ZNF680: variants seen among roughly 807,000 people sequenced by gnomAD.
ZNF680 encodes hypothetical protein FLJ90430.
In ZNF680, 6 loss-of-function variants were observed where a neutral mutation model predicts 12.1. That is an observed-to-expected ratio of 0.49 (90% CI 0.27 to 0.98). ZNF680 has a LOEUF of 0.98. Ranked by LOEUF, ZNF680 falls within the 50% of genes least tolerant of loss-of-function variation. ZNF680 has a pLI of 0.12. For synonymous variants in ZNF680, 170 were observed against 199.3 expected (o/e 0.85, Z 1.24); for missense variants, 561 against 616.3 (o/e 0.91, Z 0.95).
intron 1 of ZNF680, among the ~76,000 whole-genome samples, chr7:64,559,666 G>T (rs1478076697): frequency 6.6e-6 from 1 of 152,008 alleles, no homozygotes; most frequent in Non-Finnish European, 1.5e-5. Context: ...ATTTCTGGTA[G>T]AGACGGGGTT....
chr7:64,562,158 G>A (rs2116581804), intron 1 of ZNF680, among the ~76,000 whole-genome samples: 1 of 151,052 alleles, frequency 6.6e-6, no homozygotes, highest in African/African-American at 2.4e-5. Flanking sequence ...CTTGAACCCG[G>A]GAGGCAGAGG....
At chr7:64,531,548 G>C (rs1188242219) in intron 3 of ZNF680, among the ~76,000 whole-genome samples, 1 of 138,700 alleles carries the variant, frequency 7.2e-6, no homozygotes, top group Admixed American at 7.8e-5. Flanking sequence ...AGTGAGCCAA[G>C]ATCGTGCCAC....
intron 3 of ZNF680, among the ~76,000 whole-genome samples, chr7:64,537,536 GA>G (rs976611183): frequency 6.6e-6 from 1 of 150,820 alleles, no homozygotes; most frequent in African/African-American, 2.4e-5. Flanking sequence ...AAACAACCAT[GA>G]AAAAAAAGCA....
In ZNF680 at chr7:64,522,282, T is replaced by C. The variant is rs2116363626; in HGVS notation, c.472A>G (p.Lys158Glu). The C allele has an allele frequency of 6.2e-7, 1 of 1,613,156 alleles. No individual in the cohort carries two copies. The highest frequency in any genetic ancestry group is 1.7e-5 in the Admixed American group (1 of 59,912). The change falls in exon 4 of 4, where the codon AAA becomes GAA. Residue 158 changes from lysine (K) to glutamate (E), a missense_variant. Lys to Glu is a moderately conservative substitution (Grantham distance 56). Transcript: ENST00000309683. ...TTQSKIFQCD[K>E]YVKVFHKFSN... ...AATTTATGAAAGACTTTCACGTATT[T>C]ATCACATTGAAATATTTTGCTCTGG...
intron 3 of ZNF680, among the ~76,000 whole-genome samples, chr7:64,524,135 A>G (rs945275904): frequency 6.8e-6 from 1 of 148,080 alleles, no homozygotes; most frequent in African/African-American, 2.6e-5. Context: ...AACTCCAAAG[A>G]GACAAAGAAG....
the ZNF680 span, among the ~76,000 whole-genome samples, chr7:64,507,008 G>A: frequency 6.6e-6 from 1 of 152,114 alleles, no homozygotes. Flanking sequence ...CTTTAACACA[G>A]AAATATTTTT....
At chr7:64,529,025 A>C (rs963737757) in intron 3 of ZNF680, among the ~76,000 whole-genome samples, 2 of 152,230 alleles carry the variant, frequency 1.3e-5, no homozygotes, top group African/African-American at 4.8e-5. Context: ...CCTTAGTTCC[A>C]GCCCAAAGTT....
chr7:64,512,011 A>G, the ZNF680 span, among the ~76,000 whole-genome samples: 1 of 151,858 alleles, frequency 6.6e-6, no homozygotes, highest in African/African-American at 2.4e-5. Flanking sequence ...GTGAGCCAAG[A>G]TCGTGCCATT....
chr7:64,543,664 C>T (rs146541484), intron 3 of ZNF680, 43 bp downstream of exon 3: 1 of 1,515,992 alleles, frequency 6.6e-7, no homozygotes, highest in Non-Finnish European at 9.1e-7. Flanking sequence ...ATCTGGACCT[C>T]TCATCTGTGT....
chr7:64,533,354 C>T (rs761388168), intron 3 of ZNF680, among the ~76,000 whole-genome samples: 113 of 152,108 alleles, frequency 7.4e-4, no homozygotes, highest in Admixed American at 2.4e-3. Flanking sequence ...AAACCAGTAG[C>T]TCTTCTATAC....
chr7:64,551,300 T>C (rs1787062273), intron 1 of ZNF680, among the ~76,000 whole-genome samples: 1 of 152,204 alleles, frequency 6.6e-6, no homozygotes, highest in Non-Finnish European at 1.5e-5. Context: ...ATTTTGGCTA[T>C]TTACATTTTG....
In ZNF680 at chr7:64,553,587, TA is replaced by T. The variant is rs200199423; in HGVS notation, c.31-9156del. 4.0e-5 allele frequency among the ~76,000 whole-genome samples: 6 copies of T among 151,028 alleles called. No homozygotes were observed. In the East Asian group the frequency reaches 5.8e-4, roughly 15 times the overall value. On this transcript the variant is annotated intron_variant, in intron 1 of 3. Coordinates refer to ENST00000309683, the MANE Select transcript of ZNF680 (RefSeq NM_178558.5). ...AAAAGCAGAATACAGAAAGGTGTTA[TA>T]AAAAAAAATCTGTGCCCTCTCCCTC...
chr7:64,518,937 A>C (rs1160666833), downstream of ZNF680, among the ~76,000 whole-genome samples: 1 of 152,072 alleles, frequency 6.6e-6, no homozygotes, highest in Non-Finnish European at 1.5e-5. Context: ...GCTTAGGCAA[A>C]GACTTCATGA....
the ZNF680 span, among the ~76,000 whole-genome samples, chr7:64,509,755 G>C: frequency 1.3e-5 from 2 of 151,990 alleles, no homozygotes; most frequent in African/African-American, 4.8e-5. Flanking sequence ...CTGCCGACTA[G>C]CTTCTCCAGG....
At chr7:64,504,650 A>C in the ZNF680 span, among the ~76,000 whole-genome samples, 1 of 152,238 alleles carries the variant, frequency 6.6e-6, no homozygotes, top group East Asian at 1.9e-4. Context: ...CTCAGTGCCC[A>C]GTATTCACCC....
At chr7:64,560,039 A>G (rs1408747539) in intron 1 of ZNF680, among the ~76,000 whole-genome samples, 1 of 151,896 alleles carries the variant, frequency 6.6e-6, no homozygotes, top group Non-Finnish European at 1.5e-5. Context: ...AGAGGTACTA[A>G]TGTTTTCAAG....
chr7:64,507,722 A>T, the ZNF680 span, among the ~76,000 whole-genome samples: 24 of 152,056 alleles, frequency 1.6e-4, no homozygotes, highest in East Asian at 3.7e-3. Context: ...CTGATTTGCC[A>T]TTTAAAAATA....
the ZNF680 span, among the ~76,000 whole-genome samples, chr7:64,507,516 CTAT>C: frequency 9.0e-6 from 1 of 111,136 alleles, no homozygotes; most frequent in Admixed American, 8.4e-5. Flanking sequence ...CTCAATTATT[CTAT>C]TTTTTTTTTT....
At chr7:64,526,682 T>TA (rs1188614425) in intron 3 of ZNF680, among the ~76,000 whole-genome samples, 1 of 152,166 alleles carries the variant, frequency 6.6e-6, no homozygotes, top group Non-Finnish European at 1.5e-5. Context: ...ATAAAACCTT[T>TA]AAAGTTATTC....
Sources: allele counts gnomAD v4.1 joint callset (sites outside exome capture counted in the v4.1 genomes callset), GRCh38; gene constraint gnomAD v4.1.1; transcripts MANE v1.5; gene names NCBI Gene and HGNC (gene_info 2026-07-23, HGNC 2026-07-21).